Variants in LAMA3 observed in about 807,000 individuals in gnomAD.
LAMA3 encodes the protein laminin subunit alpha 3.
LAMA3 carries 281 observed loss-of-function variants against 402.0 expected under a neutral mutation model. That is an observed-to-expected ratio of 0.70 (90% CI 0.63 to 0.77). The LOEUF is 0.77. Ranked by LOEUF, LAMA3 falls within the 30% of genes least tolerant of loss-of-function variation. The pLI is 0.00. For missense variants in LAMA3, 3,840 were observed against 4,215.5 expected (o/e 0.91, Z 2.47); for synonymous variants, 1,431 against 1,558.4 (o/e 0.92, Z 1.93).
At chr18:23,763,574 T>C (rs758608779) in intron 8 of LAMA3, 51 bp downstream of exon 8, 58 of 1,086,408 alleles carry the variant, frequency 5.3e-5, no homozygotes, top group South Asian at 3.0e-4. Flanking sequence ...GGAATGAGTA[T>C]TCAGTAAGCT....
intron 43 of LAMA3, 92 bp from the exon 44 acceptor site, chr18:23,894,815 G>T: frequency 6.6e-7 from 1 of 1,519,892 alleles, no homozygotes. Context: ...CGATCTGCGT[G>T]CATGCCAACT....
chr18:23,949,101 C>T (rs1026050177), intron 70 of LAMA3, among the ~76,000 whole-genome samples: 2 of 152,168 alleles, frequency 1.3e-5, no homozygotes, highest in Non-Finnish European at 2.9e-5. Flanking sequence ...TTCCTGGGCC[C>T]CAGGAGAGGA....
At chr18:23,888,533 A>T (rs1457225869) in intron 41 of LAMA3, among the ~76,000 whole-genome samples, 1 of 152,090 alleles carries the variant, frequency 6.6e-6, no homozygotes, top group Non-Finnish European at 1.5e-5. Context: ...TTATATTTTC[A>T]TGGGGGCTGT....
rs571747317 is a variant in LAMA3, at chr18:23,822,601, G to T, written c.2428+226G>T. 3.3e-5 allele frequency among the ~76,000 whole-genome samples: 5 copies of T among 152,294 alleles called. No homozygotes were observed. The South Asian group carries it at 1.0e-3, about 32-fold the overall frequency. On this transcript the variant is annotated intron_variant, in intron 20 of 74. Coordinates refer to ENST00000313654, the MANE Select transcript of LAMA3 (RefSeq NM_198129.4). ...GTCCTTAACTGTCATTTTAAAAATC[G>T]ATATAACAACCTATGTACCTTGGCT...
chr18:23,876,272 A>C, intron 38 of LAMA3, 22 bp from the exon 39 acceptor site: 1 of 1,490,256 alleles, frequency 6.7e-7, no homozygotes, highest in East Asian at 2.3e-5. Flanking sequence ...TGTATTGATT[A>C]AACACTTTGT....
At chr18:23,735,223 G>A (rs569001631) in intron 2 of LAMA3, among the ~76,000 whole-genome samples, 1 of 152,282 alleles carries the variant, frequency 6.6e-6, no homozygotes, top group Non-Finnish European at 1.5e-5. Flanking sequence ...GGCTCCTGAG[G>A]CTGGCCTGGA....
At position 23,876,303 on chromosome 18, in the gene LAMA3, C is replaced by G. The variant is rs750836116; in HGVS notation, c.5008C>G (p.Pro1670Ala). The change falls in exon 39 of 75, where the codon CCT (proline) becomes GCT (alanine). Residue 1670 changes from proline to alanine, a missense_variant. By Grantham distance (27) the Pro-to-Ala change is conservative. Around this residue, in one of 3 missense-constraint regions of LAMA3, gnomAD observed 2,109 missense variants for 2,376.0 expected, o/e 0.89. Coordinates refer to ENST00000313654, the MANE Select transcript of LAMA3 (RefSeq NM_198129.4). Reference protein sequence around the residue: ...YAGDSCQGCSPGYYRDHKGLY... With the variant: ...YAGDSCQGCSAGYYRDHKGLY... ...TTTGTTTGAAAAATAGGGTTGTAGC[C>G]CTGGATACTATCGGGATCATAAAGG... The G allele has an allele frequency of 4.3e-6, 7 of 1,611,274 alleles. No individual in the cohort carries two copies. The highest frequency in any genetic ancestry group is 3.3e-4 in the Middle Eastern group (2 of 6,078).
intron 19 of LAMA3, among the ~76,000 whole-genome samples, chr18:23,820,649 A>C (rs1056203029): frequency 6.6e-6 from 1 of 152,186 alleles, no homozygotes; most frequent in Admixed American, 6.5e-5. Flanking sequence ...ACTTATAACT[A>C]AAAAATTCTG....
chr18:23,689,917 C>T lies in LAMA3; in HGVS notation c.234C>T (p.Pro78=). 2.0e-6 allele frequency: 3 copies of T among 1,532,832 alleles called. No homozygotes were observed. Among genetic ancestry groups the T allele is most frequent in the Non-Finnish European group, 2.6e-6 (3 of 1,139,910 alleles). The allele number at this position is 1,532,832 out of a possible 1,614,324, so 95.0% of individuals were successfully genotyped here. A position where few individuals can be genotyped will look rare whatever the true frequency, so the allele number is the denominator to read the frequency against. The change falls in exon 1 of 75, where the codon CCC becomes CCT. Residue 78 remains proline (P), a synonymous_variant. Transcript: ENST00000313654. ...ERGPGEGRPQ[P]ELYCKLVGGP... is the part of the protein sequence containing the mutation. ...GACCCGGCGAGGGGAGGCCCCAGCC[C>T]GAGCTCTACTGCAAGTTGGTCGGGG...
At chr18:23,820,120 A>G (rs1233857930) in intron 19 of LAMA3, 123 bp downstream of exon 19, 4 of 998,330 alleles carry the variant, frequency 4.0e-6, no homozygotes, top group East Asian at 2.6e-5. Flanking sequence ...CTTTTTCTCT[A>G]TATTATGGGT....
intron 24 of LAMA3, among the ~76,000 whole-genome samples, chr18:23,835,440 T>A (rs1381348848): frequency 6.6e-6 from 1 of 152,176 alleles, no homozygotes; most frequent in Non-Finnish European, 1.5e-5. Context: ...CCATGGGTGT[T>A]GTTTCATGAC....
In LAMA3 at chr18:23,894,351, G is replaced by A. The variant is rs372288604; in HGVS notation, c.5461+3G>A. 96 of 1,612,638 alleles carry A rather than the reference G, an allele frequency of 6.0e-5. No homozygotes were observed. The highest frequency in any genetic ancestry group is 8.1e-5 in the Non-Finnish European group (95 of 1,178,748). ...CAGCCCTGCAGAAGAATGTGATGGT[G>A]AGAAAAGAAAGCCCCTCCTCCTCCT... On this transcript the variant is annotated splice_donor_region_variant and intron_variant, in intron 43 of 74. Transcript: ENST00000313654.
At position 23,946,252 on chromosome 18, in the gene LAMA3, T is replaced by C. The variant is rs2082708579; in HGVS notation, c.9319T>C (p.Tyr3107His). The C allele has an allele frequency of 6.2e-7, 1 of 1,614,168 alleles. No individual in the cohort carries two copies. The highest frequency in any genetic ancestry group is 1.6e-4 in the Middle Eastern group (1 of 6,062). ...CACCATCAGCATCAGAGCGCCAGTTTACCTGGGATCACCTCCATCAGGGAA... is the reference window on the plus strand; with the variant it reads ...CACCATCAGCATCAGAGCGCCAGTTCACCTGGGATCACCTCCATCAGGGAA... ...NSTISIRAPV[Y>H]LGSPPSGKPK... Residue 3107 changes from tyrosine (Y) to histidine (H), a missense_variant, in exon 70 of 75, where the codon TAC (tyrosine) becomes CAC (histidine). By Grantham distance (83) the Tyr-to-His change is moderately conservative (BLOSUM62 2). This residue lies in a region of LAMA3 where 840 missense variants were observed against 981.9 expected (regional missense o/e 0.86). Transcript: ENST00000313654.
chr18:23,870,912 T>G (rs544042783), intron 37 of LAMA3, among the ~76,000 whole-genome samples: 2 of 152,342 alleles, frequency 1.3e-5, no homozygotes, highest in South Asian at 4.1e-4. Flanking sequence ...TGTGCAATGT[T>G]GTGCTTATAG....
In LAMA3 at chr18:23,950,130, C is replaced by T. The variant is rs776254028; in HGVS notation, c.9613C>T (p.His3205Tyr). Residue 3205 changes from histidine (H) to tyrosine (Y), a missense_variant, in exon 72 of 75, where the codon CAC becomes TAC. Physicochemically the swap from His to Tyr is moderately conservative, Grantham distance 83. Transcript: ENST00000313654. ...LIHIGSQPGK[H>Y]LCVYLEAGKV... The stretch of plus-strand genomic sequence containing the variant: ...ACACATCGGAAGTCAGCCCGGGAAG[C>T]ACTTATGTGTTTACCTGGAGGCAGG... The T allele has an allele frequency of 6.2e-7, 1 of 1,613,976 alleles. No homozygotes were observed. The highest frequency in any genetic ancestry group is 1.7e-5 in the Admixed American group (1 of 59,984).
chr18:23,900,333 T>C (rs546191653), intron 47 of LAMA3, among the ~76,000 whole-genome samples: 5 of 152,266 alleles, frequency 3.3e-5, no homozygotes, highest in Non-Finnish European at 5.9e-5. Flanking sequence ...GGTCTCCCAG[T>C]GTGCTGAGAT....
At chr18:23,858,610 T>A in intron 33 of LAMA3, 79 bp from the exon 34 acceptor site, 1 of 1,299,494 alleles carries the variant, frequency 7.7e-7, no homozygotes, top group East Asian at 2.3e-5. Flanking sequence ...GTGTTGGTAT[T>A]TAATTTGTGC....
At chr18:23,753,876 G>GCAAACATCCAC in intron 6 of LAMA3, 64 bp downstream of exon 6, 2 of 1,061,568 alleles carry the variant, frequency 1.9e-6, no homozygotes, top group Non-Finnish European at 2.9e-6. Flanking sequence ...TTCAGTGGAT[G>GCAAACATCCAC]TTTGCATCCC....
At chr18:23,951,614 G>C in intron 72 of LAMA3, 70 bp from the exon 73 acceptor site, 2 of 1,237,904 alleles carry the variant, frequency 1.6e-6, no homozygotes, top group Non-Finnish European at 2.4e-6. Context: ...TTTGGGGAGG[G>C]AAGATGGCAG....
Sources: allele counts gnomAD v4.1 joint callset (sites outside exome capture counted in the v4.1 genomes callset), GRCh38; gene constraint gnomAD v4.1.1; regional missense constraint gnomAD v4.1.1; transcripts MANE v1.5; gene names NCBI Gene and HGNC (gene_info 2026-07-23, HGNC 2026-07-21).